RPS6KC1: variants seen among roughly 807,000 people sequenced by gnomAD.
RPS6KC1 encodes the protein inactive ribosomal protein S6 kinase delta-1.
In RPS6KC1, 54 loss-of-function variants were observed where a neutral mutation model predicts 103.8. The observed-to-expected ratio is 0.52, with a 90% CI of 0.42 to 0.65. The LOEUF (loss-of-function observed/expected upper bound fraction) is 0.65. Ranked by LOEUF, RPS6KC1 falls within the 30% of genes least tolerant of loss-of-function variation. The probability of loss-of-function intolerance (pLI) is 0.00; values close to 1 mark genes in which losing one functional copy is unlikely to be tolerated. For missense variants in RPS6KC1, 1,151 were observed against 1,253.8 expected (o/e 0.92, Z 1.24); for synonymous variants, 439 against 438.7 (o/e 1.00, Z -0.01).
chr1:213,756,545 A>G, the RPS6KC1 span, among the ~76,000 whole-genome samples: 1 of 152,196 alleles, frequency 6.6e-6, no homozygotes, highest in African/African-American at 2.4e-5. Context: ...TTTCAACATC[A>G]TGTGCTCATT....
the RPS6KC1 span, among the ~76,000 whole-genome samples, chr1:213,642,577 C>A: frequency 6.6e-6 from 1 of 151,758 alleles, no homozygotes. Context: ...GTTTTTAATC[C>A]TGAATATCAA....
At chr1:213,812,500 T>C in the RPS6KC1 span, among the ~76,000 whole-genome samples, 3 of 152,246 alleles carry the variant, frequency 2.0e-5, no homozygotes, top group Non-Finnish European at 4.4e-5. Context: ...GTGTATTCTA[T>C]GTGCCCGAGT....
chr1:213,448,342 C>T, the RPS6KC1 span, among the ~76,000 whole-genome samples: 478 of 151,552 alleles, frequency 3.2e-3, 2 homozygotes, highest in African/African-American at 0.011. Flanking sequence ...TTCTAGATGA[C>T]GGATGGAAGC....
chr1:213,615,460 G>A, the RPS6KC1 span, among the ~76,000 whole-genome samples: 1 of 152,260 alleles, frequency 6.6e-6, no homozygotes, highest in Non-Finnish European at 1.5e-5. Flanking sequence ...AGGAAGGAAG[G>A]CTTGATGAGA....
chr1:213,559,082 C>A, the RPS6KC1 span, among the ~76,000 whole-genome samples: 17 of 152,210 alleles, frequency 1.1e-4, no homozygotes, highest in Non-Finnish European at 2.4e-4. Flanking sequence ...GAAGCTATCT[C>A]TGATTGATAT....
At chr1:213,695,090 T>C in the RPS6KC1 span, among the ~76,000 whole-genome samples, 3 of 152,186 alleles carry the variant, frequency 2.0e-5, no homozygotes, top group Non-Finnish European at 2.9e-5. Flanking sequence ...TTCTGTCTGA[T>C]TCATTCACTG....
the RPS6KC1 span, among the ~76,000 whole-genome samples, chr1:213,573,410 G>T: frequency 6.6e-6 from 1 of 152,128 alleles, no homozygotes; most frequent in Non-Finnish European, 1.5e-5. Context: ...ACTCAGCTTG[G>T]TTGGGACTCT....
chr1:213,458,246 T>C, the RPS6KC1 span, among the ~76,000 whole-genome samples: 4 of 152,332 alleles, frequency 2.6e-5, no homozygotes, highest in South Asian at 2.1e-4. Flanking sequence ...TGAGAACATA[T>C]GGTATTTGGT....
the RPS6KC1 span, among the ~76,000 whole-genome samples, chr1:213,519,563 A>G: frequency 6.6e-6 from 1 of 152,218 alleles, no homozygotes; most frequent in Non-Finnish European, 1.5e-5. Flanking sequence ...AGCAGTGTAC[A>G]TTGTAAAATG....
the RPS6KC1 span, among the ~76,000 whole-genome samples, chr1:213,622,825 C>T: frequency 6.6e-6 from 1 of 152,136 alleles, no homozygotes; most frequent in Non-Finnish European, 1.5e-5. Context: ...TCAAAGGAAA[C>T]GCCTTCTAAA....
chr1:213,562,453 G>A, the RPS6KC1 span, among the ~76,000 whole-genome samples: 8 of 126,698 alleles, frequency 6.3e-5, no homozygotes, highest in South Asian at 5.5e-4. Flanking sequence ...GCAGTGGTGC[G>A]ATCTCGGCTC....
At chr1:213,504,427 T>C in the RPS6KC1 span, among the ~76,000 whole-genome samples, 1 of 152,214 alleles carries the variant, frequency 6.6e-6, no homozygotes, top group African/African-American at 2.4e-5. Flanking sequence ...CCTACTGTCT[T>C]ATCCAGATGT....
chr1:213,122,227 T>C (rs76007955), intron 5 of RPS6KC1, among the ~76,000 whole-genome samples: 171 of 152,290 alleles, frequency 1.1e-3, no homozygotes, highest in African/African-American at 4.0e-3. Flanking sequence ...AATTTGTCTT[T>C]GTGGTTACAG....
chr1:213,678,362 T>C, the RPS6KC1 span, among the ~76,000 whole-genome samples: 1 of 152,206 alleles, frequency 6.6e-6, no homozygotes, highest in Non-Finnish European at 1.5e-5. Context: ...AAGCCCAAGG[T>C]GTCATTCAGG....
chr1:213,474,719 G>A, the RPS6KC1 span, among the ~76,000 whole-genome samples: 2 of 152,020 alleles, frequency 1.3e-5, no homozygotes, highest in Non-Finnish European at 2.9e-5. Context: ...CAGGCTCTTA[G>A]GCTCGGTTGT....
At chr1:213,260,875 A>G (rs1429411903) in intron 12 of RPS6KC1, among the ~76,000 whole-genome samples, 1 of 152,162 alleles carries the variant, frequency 6.6e-6, no homozygotes, top group African/African-American at 2.4e-5. Context: ...AGAGATAGGG[A>G]TAACACAGAT....
chr1:213,064,796 G>A (rs1250405173), intron 1 of RPS6KC1, among the ~76,000 whole-genome samples: 1 of 148,218 alleles, frequency 6.7e-6, no homozygotes, highest in African/African-American at 2.5e-5. Context: ...TCCTGCCTCA[G>A]CCTCCCGAGT....
the RPS6KC1 span, among the ~76,000 whole-genome samples, chr1:213,666,400 G>C: frequency 0.33 from 50,097 of 151,964 alleles, 8,539 homozygotes; most frequent in Middle Eastern, 0.41. Context: ...ATCACCTCCC[G>C]CAGTGCAAAA....
intron 6 of RPS6KC1, among the ~76,000 whole-genome samples, chr1:213,137,034 G>T (rs1024876194): frequency 1.3e-5 from 2 of 152,112 alleles, no homozygotes; most frequent in African/African-American, 4.8e-5. Context: ...CAAGGGCAGG[G>T]TTCCAGTTTT....
Sources: gnomAD v4.1 joint callset for allele counts (sites outside exome capture counted in the v4.1 genomes callset) on GRCh38, gnomAD v4.1.1 for gene constraint, MANE v1.5 for transcripts, NCBI Gene and HGNC (gene_info 2026-07-23, HGNC 2026-07-21) for gene names.